The following CNTN5 variants were observed in gnomAD, a reference collection of about 807,000 sequenced individuals.
CNTN5 encodes the protein contactin 5.
In CNTN5, 77 loss-of-function variants were observed where a neutral mutation model predicts 129.1. The ratio of observed to expected loss-of-function variants is 0.60; its 90% confidence interval spans 0.50 to 0.72. The LOEUF is 0.72. Ranked by LOEUF, CNTN5 falls within the 30% of genes least tolerant of loss-of-function variation. The probability of loss-of-function intolerance (pLI) is 0.00; values close to 1 mark genes in which losing one functional copy is unlikely to be tolerated. For missense variants in CNTN5, 1,478 were observed against 1,328.8 expected (o/e 1.11, Z -1.75); for synonymous variants, 509 against 465.6 (o/e 1.09, Z -1.20).
intron 2 of CNTN5, among the ~76,000 whole-genome samples, chr11:99,520,059 A>T (rs573755381): frequency 3.9e-5 from 6 of 152,152 alleles, no homozygotes; most frequent in Non-Finnish European, 8.8e-5. Context: ...GTTTTTATAT[A>T]GCATTTATTT....
chr11:99,233,454 G>A (rs866496708), intron 1 of CNTN5, among the ~76,000 whole-genome samples: 2 of 152,124 alleles, frequency 1.3e-5, no homozygotes, highest in African/African-American at 4.8e-5. Context: ...TAACATACTG[G>A]TATAAATTGT....
At chr11:99,320,113 A>G (rs1240086520) in intron 1 of CNTN5, among the ~76,000 whole-genome samples, 2 of 152,074 alleles carry the variant, frequency 1.3e-5, no homozygotes, top group Admixed American at 6.6e-5. Context: ...GGTGGCAGGC[A>G]CCTGTAGTCC....
At chr11:99,826,300 G>T (rs1377322520) in intron 4 of CNTN5, among the ~76,000 whole-genome samples, 1 of 151,964 alleles carries the variant, frequency 6.6e-6, no homozygotes, top group South Asian at 2.1e-4. Context: ...TTCTGTTGGG[G>T]CTATTGAGAT....
chr11:99,627,021 A>G (rs769096432), intron 3 of CNTN5, among the ~76,000 whole-genome samples: 9 of 152,150 alleles, frequency 5.9e-5, no homozygotes, highest in Non-Finnish European at 1.2e-4. Flanking sequence ...ATGTAGTTTC[A>G]GATGAGAATC....
At chr11:100,045,376 G>T (rs7105250) in intron 9 of CNTN5, among the ~76,000 whole-genome samples, 47,810 of 151,608 alleles carry the variant, frequency 0.32, 7,906 homozygotes, top group East Asian at 0.48. Flanking sequence ...CTATAATTAC[G>T]CATTGTGGGC....
At chr11:99,767,310 G>A (rs1362902626) in intron 3 of CNTN5, among the ~76,000 whole-genome samples, 2 of 152,042 alleles carry the variant, frequency 1.3e-5, no homozygotes, top group Non-Finnish European at 2.9e-5. Flanking sequence ...GAGAGAGAGA[G>A]ACAGACTATG....
At chr11:100,324,159 C>T (rs969598237) in intron 21 of CNTN5, among the ~76,000 whole-genome samples, 1 of 152,054 alleles carries the variant, frequency 6.6e-6, no homozygotes, top group African/African-American at 2.4e-5. Context: ...TCAAGTTGCC[C>T]TGAATATACA....
chr11:100,113,852 C>T (rs938362086), intron 13 of CNTN5, among the ~76,000 whole-genome samples: 1 of 152,028 alleles, frequency 6.6e-6, no homozygotes, highest in African/African-American at 2.4e-5. Context: ...TATGTAATTT[C>T]ACTTTTTTTA....
intron 13 of CNTN5, among the ~76,000 whole-genome samples, chr11:100,172,054 T>TA (rs1358812012): frequency 2.0e-5 from 3 of 151,978 alleles, no homozygotes; most frequent in African/African-American, 4.8e-5. Flanking sequence ...TGAAAAATCA[T>TA]AAAAAATATT....
At chr11:99,315,234 G>GA (rs200354485) in intron 1 of CNTN5, among the ~76,000 whole-genome samples, 10 of 139,666 alleles carry the variant, frequency 7.2e-5, no homozygotes, top group South Asian at 2.5e-4. Flanking sequence ...TAATGATTTA[G>GA]AAAAAAAAAG....
chr11:100,188,637 G>A (rs540193376), intron 13 of CNTN5, among the ~76,000 whole-genome samples: 9 of 152,312 alleles, frequency 5.9e-5, no homozygotes, highest in South Asian at 4.1e-4. Flanking sequence ...CATACTGTTG[G>A]TGGGAATGTA....
chr11:99,533,769 C>T (rs956482257), intron 2 of CNTN5, among the ~76,000 whole-genome samples: 1 of 152,196 alleles, frequency 6.6e-6, no homozygotes, highest in African/African-American at 2.4e-5. Context: ...TCACTACTCC[C>T]TTTGTTGGAG....
chr11:100,270,813 T>G (rs944180222), intron 17 of CNTN5, among the ~76,000 whole-genome samples: 1 of 152,186 alleles, frequency 6.6e-6, no homozygotes, highest in Non-Finnish European at 1.5e-5. Flanking sequence ...GCTGAGGGAT[T>G]GATGAAATAA....
In CNTN5 at chr11:99,707,191, C is replaced by G. The variant is rs191029066; in HGVS notation, c.56-112353C>G. Reference sequence around the variant, plus strand: ...TTATGGTCTTTTTTTTTCTATTGGTCAAGTAAAATATATCTTCATCCCTCA... The same window carrying G: ...TTATGGTCTTTTTTTTTCTATTGGTGAAGTAAAATATATCTTCATCCCTCA... On this transcript the variant is annotated intron_variant, in intron 3 of 24. Transcript: ENST00000524871. 4.0e-5 allele frequency among the ~76,000 whole-genome samples: 6 copies of G among 151,036 alleles called. No individual in the cohort carries two copies. The East Asian group carries it at 1.2e-3, about 30-fold the overall frequency.
At chr11:99,990,453 TATAC>T (rs1160027869) in intron 8 of CNTN5, among the ~76,000 whole-genome samples, 3 of 144,068 alleles carry the variant, frequency 2.1e-5, no homozygotes, top group South Asian at 2.2e-4. Flanking sequence ...AATATATATA[TATAC>T]ACACACACAC....
rs552171155 is a variant in CNTN5 at position 99,753,927 on chromosome 11, A to G, written c.56-65617A>G. Among the ~76,000 whole-genome samples the G allele has an allele frequency of 5.3e-5, 8 of 150,728 alleles. No homozygotes were observed. In the South Asian group the frequency reaches 1.0e-3, roughly 20 times the overall value. On this transcript the variant is annotated intron_variant, in intron 3 of 24. Coordinates refer to ENST00000524871, the MANE Select transcript of CNTN5 (RefSeq NM_014361.4). ...GGTCTTGAACTCCTAAGCTCAAGTG[A>G]TCTGCCCGCCTCAGCCCCCCAAAGT...
At chr11:99,730,118 C>T (rs894906331) in intron 3 of CNTN5, among the ~76,000 whole-genome samples, 2 of 152,158 alleles carry the variant, frequency 1.3e-5, no homozygotes, top group African/African-American at 4.8e-5. Flanking sequence ...ACTCCCCACA[C>T]CTAGCACATA....
At chr11:100,125,169 T>C (rs1036837308) in intron 13 of CNTN5, among the ~76,000 whole-genome samples, 5 of 152,048 alleles carry the variant, frequency 3.3e-5, no homozygotes, top group Non-Finnish European at 7.4e-5. Flanking sequence ...AGGCATTCTT[T>C]CCAGTTTTTT....
intron 9 of CNTN5, among the ~76,000 whole-genome samples, chr11:100,040,798 G>A (rs1942334394): frequency 1.3e-5 from 2 of 152,184 alleles, no homozygotes; most frequent in Non-Finnish European, 2.9e-5. Context: ...TAATCTCCTG[G>A]TGTGCCATTT....
Sources: gnomAD v4.1 joint callset for allele counts (sites outside exome capture counted in the v4.1 genomes callset) on GRCh38, gnomAD v4.1.1 for gene constraint, MANE v1.5 for transcripts, NCBI Gene and HGNC (gene_info 2026-07-23, HGNC 2026-07-21) for gene names.